Variants in MEAK7 observed in about 807,000 individuals in gnomAD.
MEAK7 encodes the protein MTOR associated protein MEAK7.
MEAK7 carries 68 observed loss-of-function variants against 40.5 expected under a neutral mutation model. The observed-to-expected ratio is 1.68, with a 90% CI of 1.38 to 2.06. The LOEUF (loss-of-function observed/expected upper bound fraction) is 2.06. MEAK7 is among the 30% of genes most tolerant of loss of function. The pLI is 0.00. For synonymous variants in MEAK7, 338 were observed against 231.9 expected (o/e 1.46, Z -4.16); for missense variants, 918 against 580.5 (o/e 1.58, Z -5.98).
chr16:84,479,700 G>C lies in MEAK7; in HGVS notation c.*213C>G. On this transcript the variant is annotated 3_prime_UTR_variant, in exon 8 of 8. Transcript: ENST00000343629. The stretch of plus-strand genomic sequence containing the variant: ...GAGGGTGACCCTGTAGGGAAAAAAA[G>C]AAAACTTAAAAAACATCTATTTCTG... 1 of 403,894 alleles carries C rather than the reference G, an allele frequency of 2.5e-6. No individual in the cohort carries two copies. Among genetic ancestry groups the C allele is most frequent in the Non-Finnish European group, 4.4e-6 (1 of 226,152 alleles). 25.0% of individuals were successfully genotyped at this position (403,894 alleles called of 1,614,324 possible). A position where few individuals can be genotyped will look rare whatever the true frequency, so the allele number is the denominator to read the frequency against.
At chr16:84,502,212 T>C (rs538455930) in intron 1 of MEAK7, among the ~76,000 whole-genome samples, 6 of 151,242 alleles carry the variant, frequency 4.0e-5, no homozygotes, top group African/African-American at 1.5e-4. Context: ...CTTGTACCAG[T>C]GGAGCTCGAC....
In MEAK7 at chr16:84,495,682, C is replaced by T; in HGVS notation, c.384+1G>A. The T allele has an allele frequency of 1.2e-6, 2 of 1,614,124 alleles. No individual in the cohort carries two copies. Among genetic ancestry groups the T allele is most frequent in the African/African-American group, 1.3e-5 (1 of 75,030 alleles). ...TGCAAAGGACCTCGCGGCCTCACTA[C>T]CTTTTGGACTTCTCTGGCCTTCACG... is the stretch of plus-strand genomic sequence containing the variant. On this transcript the variant is annotated splice_donor_variant, in intron 3 of 7. Coordinates refer to ENST00000343629, the MANE Select transcript of MEAK7 (RefSeq NM_020947.4). LOFTEE classifies it high-confidence loss of function.
rs115375462 is a variant in MEAK7, at chr16:84,476,642, G to A, written c.*3271C>T. On this transcript the variant is annotated 3_prime_UTR_variant, in exon 8 of 8. Coordinates refer to ENST00000343629, the MANE Select transcript of MEAK7 (RefSeq NM_020947.4). Reference sequence around the variant, plus strand: ...AGGCCCGAGAGCATCCATATGGTGGGACATCACGCAGTCCATAAAGACAAG... The same window carrying A: ...AGGCCCGAGAGCATCCATATGGTGGAACATCACGCAGTCCATAAAGACAAG... 5 of 152,152 alleles carry A rather than the reference G, an allele frequency of 3.3e-5. No individual in the cohort carries two copies. The allele number at this position is 152,152 out of a possible 1,614,324, so 9.4% of individuals were successfully genotyped here. A position where few individuals can be genotyped will look rare whatever the true frequency, so the allele number is the denominator to read the frequency against.
At chr16:84,503,281 T>C (rs11641949) in intron 1 of MEAK7, among the ~76,000 whole-genome samples, 74,856 of 152,064 alleles carry the variant, frequency 0.49, 19,502 homozygotes, top group East Asian at 0.84. Context: ...TTAGGCCACA[T>C]ATGGCCCACG....
chr16:84,502,506 G>C (rs1330969157), intron 1 of MEAK7, among the ~76,000 whole-genome samples: 1 of 152,056 alleles, frequency 6.6e-6, no homozygotes, highest in Non-Finnish European at 1.5e-5. Context: ...GGCCAATGTA[G>C]GGTTGTGTTA....
rs764706057 is a variant in MEAK7 at position 84,482,680 on chromosome 16, C to G, written c.989G>C (p.Cys330Ser). Residue 330 changes from cysteine (C) to serine (S), a missense_variant, in exon 6 of 8, where the codon TGC (cysteine) becomes TCC (serine). Cys to Ser is a moderately radical substitution (Grantham distance 112, BLOSUM62 -1). Coordinates refer to ENST00000343629, the MANE Select transcript of MEAK7 (RefSeq NM_020947.4). ...GDNRCFLFSICPSMAVYTHTG... is the reference protein window; with the variant it reads ...GDNRCFLFSISPSMAVYTHTG... ...GTGTGTGTACACAGCCATGCTGGGG[C>G]AGATGGAGAACAGGAAGCATCTGTT... The G allele has an allele frequency of 5.8e-5, 94 of 1,614,080 alleles. No homozygotes were observed. Among genetic ancestry groups the G allele is most frequent in the Non-Finnish European group, 7.4e-5 (87 of 1,180,040 alleles).
Position 84,478,790 on chromosome 16 carries a change from G to A in MEAK7, c.*1123C>T, listed in dbSNP as rs1912252134. The A allele has an allele frequency of 6.6e-6, 1 of 152,256 alleles. No homozygotes were observed. Among genetic ancestry groups the A allele is most frequent in the African/African-American group, 2.4e-5 (1 of 41,440 alleles). The allele number at this position is 152,256 out of a possible 1,614,324, so 9.4% of individuals were successfully genotyped here. Reference sequence around the variant, plus strand: ...CCCTGGGCAAATGGCTGCACTGACAGCTGTGACTCAGGCACTGGTTCCCAG... The same window carrying A: ...CCCTGGGCAAATGGCTGCACTGACAACTGTGACTCAGGCACTGGTTCCCAG... On this transcript the variant is annotated 3_prime_UTR_variant, in exon 8 of 8. Transcript: ENST00000343629.
In MEAK7 at chr16:84,495,751, TCTC is replaced by T. The variant is rs200260198; in HGVS notation, c.313_315del (p.Glu105del). ...ATCATTTTCATAATCATGAGACTCT[TCTC>T]CTCGGAGTTTCCTTTCAACAGGTGG... is the stretch of plus-strand genomic sequence containing the variant. On this transcript the variant is annotated inframe_deletion, in exon 3 of 8. Coordinates refer to ENST00000343629, the MANE Select transcript of MEAK7 (RefSeq NM_020947.4). 3,383 of 1,613,950 alleles carry T rather than the reference TCTC, an allele frequency of 2.1e-3. 37 individuals carry two copies. The African/African-American group carries it at 0.028, about 14-fold the overall frequency.
At chr16:84,495,605 T>C (rs1053540739) in intron 3 of MEAK7, 78 bp downstream of exon 3, 8 of 1,387,074 alleles carry the variant, frequency 5.8e-6, no homozygotes, top group African/African-American at 5.7e-5. Flanking sequence ...CCATGTGCCA[T>C]GTAACTGGCC....
At chr16:84,491,937 T>G (rs796267057) in intron 3 of MEAK7, among the ~76,000 whole-genome samples, 6 of 152,314 alleles carry the variant, frequency 3.9e-5, no homozygotes, top group African/African-American at 1.4e-4. Flanking sequence ...TAAAGTCCTT[T>G]TGCTGTTAAG....
At chr16:84,489,208 T>C (rs1913349308) in intron 4 of MEAK7, 70 bp downstream of exon 4, 5 of 1,544,932 alleles carry the variant, frequency 3.2e-6, no homozygotes, top group South Asian at 2.4e-5. Context: ...ACTACACAGC[T>C]ACAGTAATGG....
At chr16:84,493,718 G>C (rs145401471) in intron 3 of MEAK7, among the ~76,000 whole-genome samples, 163 of 152,218 alleles carry the variant, frequency 1.1e-3, no homozygotes, top group African/African-American at 3.8e-3. Flanking sequence ...CATTCAATAA[G>C]AATCTGTTTT....
At chr16:84,501,960 C>T (rs1388622204) in intron 1 of MEAK7, among the ~76,000 whole-genome samples, 4 of 152,140 alleles carry the variant, frequency 2.6e-5, no homozygotes, top group Non-Finnish European at 4.4e-5. Flanking sequence ...GCTGGACCAA[C>T]ATGGAGAAAC....
rs543636418 is a variant in MEAK7 at position 84,489,484 on chromosome 16, C to T, written c.385-62G>A. ...ACCATATCCTGAGACCTATGTCATG[C>T]CCACATGGAGAAGGGCAATTTTCTT... On this transcript the variant is annotated intron_variant, in intron 3 of 7. Transcript: ENST00000343629. 9.2e-5 allele frequency: 139 copies of T among 1,511,692 alleles called. No individual in the cohort carries two copies. The African/African-American group carries it at 1.5e-3, about 16-fold the overall frequency. The allele number at this position is 1,511,692 out of a possible 1,614,324, so 93.6% of individuals were successfully genotyped here.
intron 3 of MEAK7, among the ~76,000 whole-genome samples, chr16:84,490,304 A>G (rs1913458381): frequency 6.6e-6 from 1 of 151,028 alleles, no homozygotes; most frequent in Non-Finnish European, 1.5e-5. Context: ...AGAAGGAAAG[A>G]GCAAGGCCAC....
In MEAK7 at chr16:84,480,825, T is replaced by G; in HGVS notation, c.1078-117A>C. On this transcript the variant is annotated intron_variant, in intron 6 of 7. Transcript: ENST00000343629. ...CCAGCCTGAGACAGGGGCGGGTGAG[T>G]GGTGAATGCCATCATCTTGTTTTCC... 5 of 1,122,414 alleles carry G rather than the reference T, an allele frequency of 4.5e-6. No individual in the cohort carries two copies. The South Asian group carries it at 7.2e-5, about 16-fold the overall frequency. 69.5% of individuals were successfully genotyped at this position (1,122,414 alleles called of 1,614,324 possible). A position where few individuals can be genotyped will look rare whatever the true frequency, so the allele number is the denominator to read the frequency against.
Position 84,498,008 on chromosome 16 carries a change from A to G in MEAK7, c.79T>C (p.Leu27=). The change falls in exon 2 of 8, where the codon TTG becomes CTG. Residue 27 remains leucine (L), a synonymous_variant. Coordinates refer to ENST00000343629, the MANE Select transcript of MEAK7 (RefSeq NM_020947.4). The stretch of plus-strand genomic sequence containing the variant: ...TTATCTGATGACAGAGCATCAAACA[A>G]TTGATCAATCTCTGCCTGTTCCTCA... The part of the protein sequence containing the change: ...LPEEQAEIDQ[L]FDALSSDKNS... 6.2e-7 allele frequency: 1 copy of G among 1,614,184 alleles called. No individual in the cohort carries two copies. Among genetic ancestry groups the G allele is most frequent in the Non-Finnish European group, 8.5e-7 (1 of 1,180,034 alleles).
Position 84,476,691 on chromosome 16 carries a change from G to C in MEAK7, c.*3222C>G, listed in dbSNP as rs971629564. ...AGAGGGAGGCAGGTGGGTGGTTACG[G>C]ACCTCCCTTTAAAAAAGAAAGCGAG... On this transcript the variant is annotated 3_prime_UTR_variant, in exon 8 of 8. Coordinates refer to ENST00000343629, the MANE Select transcript of MEAK7 (RefSeq NM_020947.4). 1.3e-5 allele frequency: 2 copies of C among 152,152 alleles called. No homozygotes were observed. Among genetic ancestry groups the C allele is most frequent in the African/African-American group, 2.4e-5 (1 of 41,416 alleles). 9.4% of individuals were successfully genotyped at this position (152,152 alleles called of 1,614,324 possible).
chr16:84,504,016 G>C, intron 1 of MEAK7: 1 of 985,514 alleles, frequency 1.0e-6, no homozygotes, highest in Non-Finnish European at 1.2e-6. Context: ...AGTCCTGTCT[G>C]TGTCTCAGAG....
Sources: gnomAD v4.1 joint callset for allele counts (sites outside exome capture counted in the v4.1 genomes callset) on GRCh38, gnomAD v4.1.1 for gene constraint, MANE v1.5 for transcripts, NCBI Gene and HGNC (gene_info 2026-07-23, HGNC 2026-07-21) for gene names.